CEMIP2: variants seen among roughly 807,000 people sequenced by gnomAD.
CEMIP2 encodes cell surface hyaluronidase CEMIP2.
In CEMIP2, 79 loss-of-function variants were observed where a neutral mutation model predicts 146.9. The ratio of observed to expected loss-of-function variants is 0.54; its 90% CI spans 0.45 to 0.65. CEMIP2 has a LOEUF of 0.65. Ranked by LOEUF, CEMIP2 falls within the 30% of genes least tolerant of loss-of-function variation. The pLI, the probability that CEMIP2 is intolerant of heterozygous loss-of-function variation, is 0.00. For synonymous variants in CEMIP2, 601 were observed against 606.3 expected, an observed-to-expected ratio of 0.99 and a Z score of 0.13; for missense variants, 1,596 against 1,696.2, an observed-to-expected ratio of 0.94 and a Z score of 1.04.
rs1452161893 is a variant in CEMIP2, at chr9:71,759,960, T to C, written c.-13+8397A>G. ...AGGGAAGCCATATATTGCGGTGAAG[T>C]ATTTTTATTTTCTTCAGAATATTTC... On this transcript the variant is annotated intron_variant, in intron 1 of 23. Transcript: ENST00000377044. Among the ~76,000 whole-genome samples, 3 of 151,638 alleles carry C rather than the reference T, an allele frequency of 2.0e-5. No homozygotes were observed. In the East Asian group the frequency reaches 5.8e-4, roughly 29 times the overall value.
Position 71,745,569 on chromosome 9 carries a change from T to A in CEMIP2, c.483A>T (p.Val161=), listed in dbSNP as rs140896711. Reference sequence around the variant, plus strand: ...TGGATCCATCTTTATTGTCCCCAAATACAAGCAGTCCTGCAGGGAACACCA... The same window carrying A: ...TGGATCCATCTTTATTGTCCCCAAAAACAAGCAGTCCTGCAGGGAACACCA... ...SIVIQDGGLL[V]FGDNKDGSRN... is the part of the protein sequence containing the mutation. Residue 161 remains valine (V), a synonymous_variant, in exon 4 of 24, where the codon GTA becomes GTT. Coordinates refer to ENST00000377044, the MANE Select transcript of CEMIP2 (RefSeq NM_013390.3). 30 of 1,604,062 alleles carry A rather than the reference T, an allele frequency of 1.9e-5. No homozygotes were observed. In the African/African-American group the frequency reaches 3.3e-4, roughly 18 times the overall value.
At chr9:71,713,505 G>T (rs568576625) in intron 15 of CEMIP2, among the ~76,000 whole-genome samples, 1 of 152,250 alleles carries the variant, frequency 6.6e-6, no homozygotes, top group South Asian at 2.1e-4. Context: ...AAGTTGTAAA[G>T]ATATGATCAT....
At chr9:71,723,759 A>G (rs1048661552) in intron 11 of CEMIP2, among the ~76,000 whole-genome samples, 4 of 152,162 alleles carry the variant, frequency 2.6e-5, no homozygotes, top group Admixed American at 6.5e-5. Context: ...AGTTGAAGCC[A>G]TAAGGACCAG....
Position 71,750,306 on chromosome 9 carries a change from T to C in CEMIP2, c.68A>G (p.His23Arg). 6.2e-7 allele frequency: 1 copy of C among 1,613,880 alleles called. No individual in the cohort carries two copies. Among genetic ancestry groups the C allele is most frequent in the East Asian group, 2.2e-5 (1 of 44,710 alleles). The change falls in exon 2 of 24, where the codon CAC (histidine) becomes CGC (arginine). Residue 23 changes from histidine to arginine, a missense_variant. Transcript: ENST00000377044. ...FLQPQNGNSR[H>R]PSGYVPGKVV... ...CTTCCCTGGAACATAGCCAGATGGG[T>C]GACGACTATTTCCATTCTGAGGTTG...
At chr9:71,730,399 T>G (rs1021501175) in intron 8 of CEMIP2, 146 bp from the exon 9 acceptor site, 8 of 798,472 alleles carry the variant, frequency 1.0e-5, no homozygotes, top group Middle Eastern at 3.7e-4. Context: ...ATGTCAGGCT[T>G]AATTTATCTC....
intron 11 of CEMIP2, among the ~76,000 whole-genome samples, chr9:71,723,815 ATG>A (rs1411503926): frequency 1.3e-5 from 2 of 152,132 alleles, no homozygotes; most frequent in Admixed American, 6.5e-5. Context: ...GTGTGCATGT[ATG>A]TGTTTATGAG....
chr9:71,710,340 G>C (rs1356083347), intron 16 of CEMIP2, among the ~76,000 whole-genome samples: 1 of 152,170 alleles, frequency 6.6e-6, no homozygotes, highest in Non-Finnish European at 1.5e-5. Flanking sequence ...TTTTGCCCTG[G>C]TGTGTTTTTA....
chr9:71,728,318 C>CAT (rs1823508723), intron 10 of CEMIP2, among the ~76,000 whole-genome samples: 1 of 29,590 alleles, frequency 3.4e-5, no homozygotes, highest in Non-Finnish European at 5.9e-5. Context: ...TATATATATA[C>CAT]GTATATATAT....
chr9:71,730,944 A>G (rs1823598860), intron 7 of CEMIP2, 30 bp from the exon 8 acceptor site: 2 of 1,593,946 alleles, frequency 1.3e-6, no homozygotes, highest in South Asian at 2.2e-5. Flanking sequence ...AATCAAACTC[A>G]TACTTTTCAG....
At chr9:71,689,325 G>A (rs1822159594) in intron 22 of CEMIP2, among the ~76,000 whole-genome samples, 1 of 152,188 alleles carries the variant, frequency 6.6e-6, no homozygotes, top group African/African-American at 2.4e-5. Flanking sequence ...TTTGGGGAAA[G>A]CTTAAGTTCC....
intron 15 of CEMIP2, among the ~76,000 whole-genome samples, chr9:71,713,196 C>T (rs59244476): frequency 0.057 from 8,680 of 152,196 alleles, 270 homozygotes; most frequent in South Asian, 0.069. Flanking sequence ...AGGGACCCAG[C>T]GGGAGATGAC....
At chr9:71,746,019 T>TTTTTATCTCTGGATAAATTCTCTGG (rs1371892826) in intron 3 of CEMIP2, among the ~76,000 whole-genome samples, 182 bp downstream of exon 3, 6 of 152,180 alleles carry the variant, frequency 3.9e-5, no homozygotes, top group Non-Finnish European at 5.9e-5. Flanking sequence ...AATTCTATGT[T>TTTTTATCTCTGGATAAATTCTCTGG]TTTTATCTCT....
At chr9:71,693,495 ACCT>A (rs1822296530) in intron 21 of CEMIP2, among the ~76,000 whole-genome samples, 1 of 152,208 alleles carries the variant, frequency 6.6e-6, no homozygotes. Flanking sequence ...AGAAGAGGCA[ACCT>A]TAAAATAAAA....
intron 1 of CEMIP2, among the ~76,000 whole-genome samples, chr9:71,762,503 C>CAAAAAAAAAAAAAAAAA (rs58090104): frequency 3.8e-5 from 3 of 79,738 alleles, no homozygotes; most frequent in African/African-American, 1.6e-4. Context: ...GCCCCGTCAC[C>CAAAAAAAAAAAAAAAAA]AAAAAAAAAA....
At chr9:71,702,397 G>T (rs375116289) in intron 18 of CEMIP2, among the ~76,000 whole-genome samples, 3 of 144,866 alleles carry the variant, frequency 2.1e-5, no homozygotes, top group African/African-American at 7.4e-5. Flanking sequence ...AGCAAAATGC[G>T]GGGGGGCGGG....
intron 10 of CEMIP2, among the ~76,000 whole-genome samples, chr9:71,728,415 G>C (rs1589149824): frequency 6.8e-6 from 1 of 147,334 alleles, no homozygotes; most frequent in Non-Finnish European, 1.5e-5. Context: ...CCAGGAGGCA[G>C]AGGGTGCAGT....
intron 5 of CEMIP2, 96 bp downstream of exon 5, chr9:71,739,967 C>A: frequency 3.5e-6 from 4 of 1,157,694 alleles, no homozygotes; most frequent in Non-Finnish European, 4.8e-6. Context: ...TCTAACCAGG[C>A]GGACTGTCAT....
chr9:71,694,652 C>T (rs200081273), intron 20 of CEMIP2, 45 bp from the exon 21 acceptor site: 3 of 1,283,128 alleles, frequency 2.3e-6, no homozygotes, highest in Non-Finnish European at 3.4e-6. Flanking sequence ...TCTTACCTTC[C>T]TCCAAAAGGT....
At chr9:71,733,461 G>T (rs1823678850) in intron 6 of CEMIP2, among the ~76,000 whole-genome samples, 1 of 152,116 alleles carries the variant, frequency 6.6e-6, no homozygotes, top group Admixed American at 6.5e-5. Context: ...CAGTGTTCTT[G>T]TTTTGTTTAT....
Sources: allele counts gnomAD v4.1 joint callset (sites outside exome capture counted in the v4.1 genomes callset), GRCh38; gene constraint gnomAD v4.1.1; transcripts MANE v1.5; gene names NCBI Gene and HGNC (gene_info 2026-07-23, HGNC 2026-07-21).